The following DMD variants were observed in gnomAD, a reference collection of about 807,000 sequenced individuals.
The protein encoded by DMD is dystrophin, also known as mutant dystrophin.
In DMD, 63 loss-of-function variants were observed where a neutral mutation model predicts 330.1. The observed-to-expected ratio is 0.19, with a 90% CI of 0.16 to 0.24. DMD has a LOEUF of 0.24. DMD is among the 10% of genes least tolerant of loss of function. The pLI, the probability that DMD is intolerant of heterozygous loss-of-function variation, is 1.00. For missense variants in DMD, 3,344 were observed against 2,684.1 expected, an observed-to-expected ratio of 1.25 and a Z score of -5.43; for synonymous variants, 1,223 against 959.8, an observed-to-expected ratio of 1.27 and a Z score of -5.07.
chrX:31,310,203 CT>C (rs1569523697), intron 62 of DMD, among the ~76,000 whole-genome samples: 103 of 91,476 alleles, frequency 1.1e-3, no homozygotes, highest in African/African-American at 3.0e-3. Flanking sequence ...CTCTCTCTCT[CT>C]CCATATATAT....
intron 18 of DMD, among the ~76,000 whole-genome samples, chrX:32,504,896 A>C (rs1396590044): frequency 8.9e-6 from 1 of 111,797 alleles, no homozygotes; most frequent in East Asian, 2.8e-4. Flanking sequence ...TGAAATTATA[A>C]AAAATAAAAT....
intron 62 of DMD, among the ~76,000 whole-genome samples, chrX:31,289,034 C>T (rs1217145458): frequency 1.8e-5 from 2 of 108,765 alleles, no homozygotes; most frequent in Admixed American, 9.9e-5. Context: ...AATCCTGGCA[C>T]GTTGGGAGGT....
At chrX:32,081,312 A>T (rs2096389846) in intron 44 of DMD, among the ~76,000 whole-genome samples, 1 of 112,037 alleles carries the variant, frequency 8.9e-6, no homozygotes, top group Admixed American at 9.5e-5. Flanking sequence ...TAATTTTGGT[A>T]TCATACTGTG....
At chrX:31,429,325 T>C (rs979161172) in intron 60 of DMD, among the ~76,000 whole-genome samples, 2 of 111,646 alleles carry the variant, frequency 1.8e-5, no homozygotes, top group Non-Finnish European at 3.8e-5. Flanking sequence ...GGTTCTTTCA[T>C]GTGTTTGCAG....
intron 34 of DMD, among the ~76,000 whole-genome samples, chrX:32,370,378 T>A (rs758138623): frequency 9.0e-6 from 1 of 110,894 alleles, no homozygotes; most frequent in Non-Finnish European, 1.9e-5. Flanking sequence ...TATTTTACTA[T>A]TAGGCTAATG....
intron 50 of DMD, among the ~76,000 whole-genome samples, chrX:31,817,003 C>A (rs2092648511): frequency 9.0e-6 from 1 of 111,604 alleles, no homozygotes; most frequent in African/African-American, 3.3e-5. Flanking sequence ...AAAACACAGG[C>A]TGTGGAGCTT....
At chrX:31,889,601 T>G (rs1352096056) in intron 47 of DMD, among the ~76,000 whole-genome samples, 1 of 105,784 alleles carries the variant, frequency 9.5e-6, no homozygotes, top group East Asian at 3.0e-4. Flanking sequence ...AAGTTAAATG[T>G]AATTTAATCT....
chrX:32,077,778 T>C (rs1488587454), intron 44 of DMD, among the ~76,000 whole-genome samples: 1 of 111,828 alleles, frequency 8.9e-6, no homozygotes, highest in East Asian at 2.8e-4. Flanking sequence ...AAATTATATG[T>C]TGCCAAATCC....
intron 2 of DMD, among the ~76,000 whole-genome samples, chrX:32,933,512 T>A (rs151175899): frequency 7.1e-5 from 8 of 112,123 alleles, no homozygotes; most frequent in Non-Finnish European, 1.9e-5. Flanking sequence ...GAACAAAATA[T>A]GCACAATTTA....
chrX:32,553,493 G>A (rs1405210761), intron 16 of DMD, among the ~76,000 whole-genome samples: 2 of 110,542 alleles, frequency 1.8e-5, no homozygotes, highest in Non-Finnish European at 3.8e-5. Context: ...GAAATAATCT[G>A]TACAACAAAC....
chrX:32,187,077 T>G (rs961353343), intron 44 of DMD, among the ~76,000 whole-genome samples: 1 of 110,355 alleles, frequency 9.1e-6, no homozygotes, highest in African/African-American at 3.3e-5. Flanking sequence ...TAAGGGGCCA[T>G]CCAAGAAAAA....
rs960526675 is a variant in DMD, at chrX:33,170,852, G to GTA, written c.31+40428_31+40429dup. ...TCTAATCTGTGAATTTCTGTAGTAG[G>GTA]TATGAGGTCTAGGTCTATGTACATT... On this transcript the variant is annotated intron_variant, in intron 1 of 78. Transcript: ENST00000357033. Among the ~76,000 whole-genome samples the GTA allele has an allele frequency of 7.2e-5, 8 of 111,717 alleles. No individual in the cohort carries two copies. In the South Asian group the frequency reaches 2.9e-3, roughly 41 times the overall value.
intron 50 of DMD, among the ~76,000 whole-genome samples, chrX:31,812,970 G>A (rs1395528758): frequency 8.9e-6 from 1 of 112,191 alleles, no homozygotes; most frequent in Non-Finnish European, 1.9e-5. Flanking sequence ...ATTCAATTGG[G>A]AGCTGATCCC....
At chrX:32,205,005 T>TCTCTCTCTCTCTCACA (rs60181300) in intron 44 of DMD, among the ~76,000 whole-genome samples, 2 of 29,231 alleles carry the variant, frequency 6.8e-5, no homozygotes, top group African/African-American at 1.1e-4. Flanking sequence ...TCTCTCTCTC[T>TCTCTCTCTCTCTCACA]CACATACACA....
chrX:31,418,901 C>T (rs2063216024), intron 60 of DMD, among the ~76,000 whole-genome samples: 2 of 112,185 alleles, frequency 1.8e-5, no homozygotes, highest in Admixed American at 9.4e-5. Context: ...TAACAGTTAT[C>T]AGGTAGTTGC....
chrX:32,801,901 G>C (rs2076597120), intron 7 of DMD, among the ~76,000 whole-genome samples: 1 of 111,631 alleles, frequency 9.0e-6, no homozygotes. Context: ...ATGCTGTTTT[G>C]GTTACTGTAG....
chrX:32,649,817 A>T (rs896797712), intron 9 of DMD, among the ~76,000 whole-genome samples: 1 of 110,845 alleles, frequency 9.0e-6, no homozygotes, highest in African/African-American at 3.3e-5. Flanking sequence ...TATCTGTCTG[A>T]TCTTGGGTAT....
chrX:31,360,776 A>G (rs147757833), intron 60 of DMD, among the ~76,000 whole-genome samples: 1,586 of 111,979 alleles, frequency 0.014, 23 homozygotes, highest in African/African-American at 0.048. Context: ...GAAAATTATG[A>G]AAGGTGTGGC....
intron 13 of DMD, chrX:32,583,735 T>G (rs1240687087): frequency 1.8e-5 from 2 of 112,117 alleles, no homozygotes; most frequent in Non-Finnish European, 3.8e-5. Context: ...TTCCTCAATA[T>G]TCTACAGTGC....
Sources: gnomAD v4.1 joint callset for allele counts (sites outside exome capture counted in the v4.1 genomes callset) on GRCh38, gnomAD v4.1.1 for gene constraint, MANE v1.5 for transcripts, NCBI Gene and HGNC (gene_info 2026-07-23, HGNC 2026-07-21) for gene names.